The following ANKRD30BL variants were observed in gnomAD, a reference collection of about 807,000 sequenced individuals.
ANKRD30BL encodes the protein ankyrin repeat domain 30B like.
A neutral mutation model predicts 18.4 loss-of-function variants in ANKRD30BL; 20 were observed. The observed-to-expected ratio is 1.09, with a 90% CI of 0.77 to 1.58. ANKRD30BL has a LOEUF of 1.58. ANKRD30BL is among the 40% of genes most tolerant of loss of function. The pLI is 0.00. For synonymous variants in ANKRD30BL, 72 were observed against 100.9 expected, an observed-to-expected ratio of 0.71 and a Z score of 1.72; for missense variants, 224 against 268.6, an observed-to-expected ratio of 0.83 and a Z score of 1.16.
At chr2:132,235,277 C>T (rs184772148) in intron 1 of ANKRD30BL, among the ~76,000 whole-genome samples, 1 of 152,132 alleles carries the variant, frequency 6.6e-6, no homozygotes, top group Non-Finnish European at 1.5e-5. Flanking sequence ...AAAACTGGCA[C>T]AAGACAGGGA....
intron 1 of ANKRD30BL, among the ~76,000 whole-genome samples, chr2:132,211,985 G>C (rs201761325): frequency 6.7e-6 from 1 of 150,212 alleles, no homozygotes; most frequent in African/African-American, 2.4e-5. Context: ...GTTCAAACAT[G>C]CTTTAGATTG....
chr2:132,221,851 CCGTCCGGG>C (rs1679696545), intron 1 of ANKRD30BL, among the ~76,000 whole-genome samples: 1 of 123,834 alleles, frequency 8.1e-6, no homozygotes, highest in Non-Finnish European at 1.6e-5. Context: ...GCCAGCCGCC[CCGTCCGGG>C]AGGGGGGAGG....
chr2:132,204,293 A>G (rs1433733385), intron 1 of ANKRD30BL, among the ~76,000 whole-genome samples: 1 of 151,700 alleles, frequency 6.6e-6, no homozygotes, highest in African/African-American at 2.4e-5. Context: ...TAAATGATTG[A>G]GGAGAATGTC....
upstream of ANKRD30BL, among the ~76,000 whole-genome samples, chr2:132,166,077 C>T (rs867825436): frequency 6.6e-6 from 1 of 152,106 alleles, no homozygotes; most frequent in Non-Finnish European, 1.5e-5. Context: ...TTGATACAGT[C>T]ACATGATTTT....
chr2:132,148,075 T>C lies in ANKRD30BL; in HGVS notation c.*56A>G. On this transcript the variant is annotated 3_prime_UTR_variant, in exon 6 of 6. Coordinates refer to ENST00000409867, the MANE Select transcript of ANKRD30BL (RefSeq NM_001358416.1). ...CTCATTGTACTTAATCTTCCCCCTC[T>C]TGAATTTTAAAGGATGTTTACAGGC... is the stretch of plus-strand genomic sequence containing the variant. 2 of 1,355,544 alleles carry C rather than the reference T, an allele frequency of 1.5e-6. No individual in the cohort carries two copies. Among genetic ancestry groups the C allele is most frequent in the Non-Finnish European group, 2.1e-6 (2 of 969,132 alleles). 84.0% of individuals were successfully genotyped at this position (1,355,544 alleles called of 1,614,324 possible).
chr2:132,226,046 T>G (rs900942116), intron 1 of ANKRD30BL, among the ~76,000 whole-genome samples: 5 of 151,900 alleles, frequency 3.3e-5, no homozygotes, highest in African/African-American at 1.2e-4. Flanking sequence ...TTTCAAAAAC[T>G]TATTTGTGAT....
At chr2:132,208,879 GT>G (rs1679263019) in intron 1 of ANKRD30BL, among the ~76,000 whole-genome samples, 1 of 151,880 alleles carries the variant, frequency 6.6e-6, no homozygotes, top group Admixed American at 6.6e-5. Flanking sequence ...AAACTTCTTT[GT>G]GATGTGTGCA....
At chr2:132,173,354 C>G (rs1688313996) in intron 1 of ANKRD30BL, among the ~76,000 whole-genome samples, 2 of 146,938 alleles carry the variant, frequency 1.4e-5, no homozygotes, top group African/African-American at 5.1e-5. Context: ...GGCTGGAGTG[C>G]AGTGGCTCAA....
chr2:132,157,987 C>A (rs1687957719), intron 1 of ANKRD30BL, among the ~76,000 whole-genome samples: 1 of 151,834 alleles, frequency 6.6e-6, no homozygotes. Context: ...CGTATTTTAA[C>A]ATCTCTGACA....
upstream of ANKRD30BL, among the ~76,000 whole-genome samples, chr2:132,163,872 TC>T (rs1688137896): frequency 6.6e-6 from 1 of 152,238 alleles, no homozygotes; most frequent in Admixed American, 6.5e-5. Flanking sequence ...TGCTGGGATA[TC>T]ATTGCTTCTA....
chr2:132,165,353 A>G (rs1292196287), upstream of ANKRD30BL, among the ~76,000 whole-genome samples: 1 of 150,884 alleles, frequency 6.6e-6, no homozygotes, highest in South Asian at 2.1e-4. Context: ...TTCATGTGTC[A>G]GTTTTGGTGT....
chr2:132,246,094 T>C (rs1240889184), intron 1 of ANKRD30BL, among the ~76,000 whole-genome samples: 1 of 149,644 alleles, frequency 6.7e-6, no homozygotes, highest in South Asian at 2.1e-4. Flanking sequence ...GATATTTGGA[T>C]AGATTGACGC....
In ANKRD30BL at chr2:132,223,019, T is replaced by G. The variant is rs377211756; in HGVS notation, n.441+34510A>C. On this transcript the variant is annotated intron_variant and non_coding_transcript_variant, in intron 1 of 4. Transcript: ENST00000470729. ...TCAACTCACAGAGTTGAACATACCT[T>G]ATGATAAAGCAGTTTTGAAACACTC... Among the ~76,000 whole-genome samples the G allele has an allele frequency of 4.3e-3, 648 of 152,162 alleles. 5 individuals are homozygous for G. Among genetic ancestry groups the G allele is most frequent in the South Asian group, 0.02 (96 of 4,812 alleles).
chr2:132,257,588 C>T (rs1680898995), exon 1 of ANKRD30BL: 1 of 180,922 alleles, frequency 5.5e-6, no homozygotes, highest in Non-Finnish European at 1.1e-5. Flanking sequence ...GCAGCGCTAC[C>T]ATAACGCAAA....
At chr2:132,223,610 A>C (rs1679759734) in intron 1 of ANKRD30BL, among the ~76,000 whole-genome samples, 4 of 152,018 alleles carry the variant, frequency 2.6e-5, no homozygotes, top group Non-Finnish European at 5.9e-5. Context: ...CTTCGTTGGA[A>C]TCGGTTATAT....
At chr2:132,205,622 A>AAAAAAGT (rs1679198042) in intron 1 of ANKRD30BL, among the ~76,000 whole-genome samples, 2 of 147,624 alleles carry the variant, frequency 1.4e-5, no homozygotes, top group East Asian at 4.0e-4. Context: ...AAGAAAAAAG[A>AAAAAAGT]AAAAAAGAAA....
upstream of ANKRD30BL, among the ~76,000 whole-genome samples, chr2:132,163,058 C>T (rs1373775911): frequency 6.6e-6 from 1 of 152,180 alleles, no homozygotes; most frequent in East Asian, 1.9e-4. Context: ...CATCTGCAGC[C>T]CTCCTGGATG....
chr2:132,220,914 G>A (rs532856675), intron 1 of ANKRD30BL, among the ~76,000 whole-genome samples: 91 of 151,794 alleles, frequency 6.0e-4, no homozygotes, highest in African/African-American at 2.0e-3. Context: ...TCTAGGAAGC[G>A]AGGAGCTCCT....
chr2:132,150,235 C>G, intron 5 of ANKRD30BL, among the ~76,000 whole-genome samples: 1 of 149,658 alleles, frequency 6.7e-6, no homozygotes, highest in Admixed American at 6.7e-5. Context: ...AAGAAACAAA[C>G]AAATAAATAA....
Sources: gnomAD v4.1 joint callset for allele counts (sites outside exome capture counted in the v4.1 genomes callset) on GRCh38, gnomAD v4.1.1 for gene constraint, MANE v1.5 for transcripts, NCBI Gene and HGNC (gene_info 2026-07-23, HGNC 2026-07-21) for gene names.